Variants in MACROD2 observed in about 807,000 individuals in gnomAD.
MACROD2 encodes ADP-ribose glycohydrolase MACROD2.
A neutral mutation model predicts 70.4 loss-of-function variants in MACROD2; 36 were observed. The ratio of observed to expected loss-of-function variants is 0.51; its 90% CI spans 0.39 to 0.68. The LOEUF is 0.68. Ranked by LOEUF, MACROD2 falls within the 30% of genes least tolerant of loss-of-function variation. The pLI is 0.00. For synonymous variants in MACROD2, 172 were observed against 178.8 expected (o/e 0.96, Z 0.30); for missense variants, 496 against 538.4 (o/e 0.92, Z 0.78).
chr20:14,840,164 A>C (rs1252805260), intron 5 of MACROD2, among the ~76,000 whole-genome samples: 1 of 151,746 alleles, frequency 6.6e-6, no homozygotes, highest in Non-Finnish European at 1.5e-5. Flanking sequence ...CAGCCTCCCA[A>C]GTAGCTGGGA....
intron 8 of MACROD2, among the ~76,000 whole-genome samples, chr20:15,717,773 G>T (rs1175153231): frequency 6.6e-6 from 1 of 152,150 alleles, no homozygotes; most frequent in East Asian, 1.9e-4. Context: ...TGGAATTGTA[G>T]GGAGGGAGCC....
intron 5 of MACROD2, among the ~76,000 whole-genome samples, chr20:15,137,002 C>A (rs1023800352): frequency 6.7e-6 from 1 of 149,562 alleles, no homozygotes; most frequent in African/African-American, 2.5e-5. Context: ...ATCAAAACCA[C>A]AATGAGATAC....
At chr20:15,365,437 G>A (rs951135878) in intron 6 of MACROD2, among the ~76,000 whole-genome samples, 4 of 151,978 alleles carry the variant, frequency 2.6e-5, no homozygotes, top group Non-Finnish European at 2.9e-5. Context: ...AGGCCAAGGC[G>A]GGTGGATCAC....
chr20:16,030,173 G>A (rs1311917150), intron 15 of MACROD2, among the ~76,000 whole-genome samples: 1 of 152,178 alleles, frequency 6.6e-6, no homozygotes, highest in Non-Finnish European at 1.5e-5. Flanking sequence ...GCCCACTATG[G>A]GAAGTCCAAG....
At chr20:14,175,860 CATTTATTA>C (rs1302554906) in intron 3 of MACROD2, among the ~76,000 whole-genome samples, 1 of 152,168 alleles carries the variant, frequency 6.6e-6, no homozygotes, top group Non-Finnish European at 1.5e-5. Flanking sequence ...AACTTTGAGA[CATTTATTA>C]ATTATCTTTC....
rs190936815 is a variant in MACROD2, at chr20:15,396,038, A to G, written c.541-35367A>G. On this transcript the variant is annotated intron_variant, in intron 6 of 17. Transcript: ENST00000684519. Reference sequence around the variant, plus strand: ...AGGAGGGAATCACTGGCAGTAGCTTAATTTGTTCATCCTTCAGGAGTTCTT... The same window carrying G: ...AGGAGGGAATCACTGGCAGTAGCTTGATTTGTTCATCCTTCAGGAGTTCTT... Among the ~76,000 whole-genome samples the G allele has an allele frequency of 2.7e-3, 406 of 152,334 alleles. 1 individual carries two copies. The highest frequency in any genetic ancestry group is 4.1e-3 in the Non-Finnish European group (282 of 68,020).
intron 3 of MACROD2, among the ~76,000 whole-genome samples, chr20:14,123,641 A>C (rs1172802224): frequency 6.6e-6 from 1 of 152,212 alleles, no homozygotes; most frequent in Non-Finnish European, 1.5e-5. Flanking sequence ...CAAATCTCGT[A>C]TCTGAAGATA....
chr20:15,876,579 T>G (rs564981629), intron 9 of MACROD2, among the ~76,000 whole-genome samples: 1 of 152,294 alleles, frequency 6.6e-6, no homozygotes, highest in East Asian at 1.9e-4. Flanking sequence ...AACATATGTG[T>G]GCGTGTGTCT....
intron 5 of MACROD2, among the ~76,000 whole-genome samples, chr20:15,030,021 C>T (rs907717813): frequency 8.5e-5 from 12 of 141,168 alleles, no homozygotes; most frequent in Non-Finnish European, 1.6e-4. Context: ...ACCCAGGAGG[C>T]GGAGGTTGCA....
chr20:15,216,813 C>T (rs563674332), intron 5 of MACROD2, among the ~76,000 whole-genome samples: 1 of 152,304 alleles, frequency 6.6e-6, no homozygotes, highest in African/African-American at 2.4e-5. Flanking sequence ...CTCACATTCT[C>T]TGCCCATTTG....
At chr20:14,597,808 AAT>A (rs1178255184) in intron 4 of MACROD2, among the ~76,000 whole-genome samples, 2 of 152,138 alleles carry the variant, frequency 1.3e-5, no homozygotes, top group Non-Finnish European at 2.9e-5. Flanking sequence ...ATTAATAAAA[AAT>A]AGAGTTGTTT....
chr20:14,712,739 A>G (rs543877154), intron 5 of MACROD2, among the ~76,000 whole-genome samples: 19 of 152,276 alleles, frequency 1.2e-4, no homozygotes, highest in African/African-American at 3.4e-4. Context: ...TAATCTCTCA[A>G]CTATTTTTTT....
intron 8 of MACROD2, among the ~76,000 whole-genome samples, chr20:15,517,548 C>A (rs2047585787): frequency 1.3e-5 from 2 of 152,168 alleles, no homozygotes; most frequent in Non-Finnish European, 2.9e-5. Flanking sequence ...TTTATATTCC[C>A]AGAACATTGA....
chr20:16,009,879 C>G (rs1256045777), intron 15 of MACROD2, among the ~76,000 whole-genome samples: 1 of 152,172 alleles, frequency 6.6e-6, no homozygotes, highest in East Asian at 1.9e-4. Flanking sequence ...CCCAAAGGAG[C>G]CACATTCTCC....
intron 5 of MACROD2, among the ~76,000 whole-genome samples, chr20:15,149,338 C>T (rs961067204): frequency 6.6e-6 from 1 of 151,796 alleles, no homozygotes; most frequent in Non-Finnish European, 1.5e-5. Flanking sequence ...TGGTGTGTGG[C>T]GATTAGGCCT....
chr20:14,529,113 G>A (rs1333943499), intron 4 of MACROD2, among the ~76,000 whole-genome samples: 2 of 152,134 alleles, frequency 1.3e-5, no homozygotes, highest in African/African-American at 4.8e-5. Context: ...GGAGCTATTA[G>A]GTAGGTTGCC....
chr20:15,135,062 G>A (rs1441047744), intron 5 of MACROD2, among the ~76,000 whole-genome samples: 2 of 152,014 alleles, frequency 1.3e-5, no homozygotes, highest in Non-Finnish European at 2.9e-5. Context: ...TGAAATTGTG[G>A]CAATAATCAA....
intron 8 of MACROD2, among the ~76,000 whole-genome samples, chr20:15,520,489 C>A (rs768665368): frequency 1.3e-5 from 2 of 152,066 alleles, no homozygotes; most frequent in Non-Finnish European, 2.9e-5. Context: ...GCGATGCCAG[C>A]GTGACATTGA....
intron 3 of MACROD2, among the ~76,000 whole-genome samples, chr20:14,426,882 G>T (rs368473841): frequency 6.6e-6 from 1 of 152,014 alleles, no homozygotes; most frequent in African/African-American, 2.4e-5. Context: ...TTACCCCTTA[G>T]CCCTTATTTG....
Sources: allele counts gnomAD v4.1 joint callset (sites outside exome capture counted in the v4.1 genomes callset), GRCh38; gene constraint gnomAD v4.1.1; transcripts MANE v1.5; gene names NCBI Gene and HGNC (gene_info 2026-07-23, HGNC 2026-07-21).